The following BRINP3 variants were observed in gnomAD, a reference collection of about 807,000 sequenced individuals.
The protein encoded by BRINP3 is BMP/retinoic acid inducible neural specific 3, also known as BMP/retinoic acid-inducible neural-specific protein 3.
In BRINP3, 19 loss-of-function variants were observed where a neutral mutation model predicts 71.0. That is an observed-to-expected ratio of 0.27 (90% CI 0.19 to 0.39). BRINP3 has a LOEUF of 0.39. BRINP3 is among the 10% of genes least tolerant of loss of function. The pLI, the probability that BRINP3 is intolerant of heterozygous loss-of-function variation, is 1.00. For missense variants in BRINP3, 959 were observed against 940.8 expected (o/e 1.02, Z -0.25); for synonymous variants, 380 against 337.7 (o/e 1.13, Z -1.37).
intron 4 of BRINP3, among the ~76,000 whole-genome samples, chr1:190,250,418 T>A (rs1660026885): frequency 6.6e-6 from 1 of 151,980 alleles, no homozygotes; most frequent in Admixed American, 6.6e-5. Context: ...TATTTGTAAA[T>A]GGCATGTCAT....
intron 2 of BRINP3, among the ~76,000 whole-genome samples, chr1:190,444,789 C>A (rs1571329253): frequency 6.6e-6 from 1 of 152,034 alleles, no homozygotes; most frequent in Non-Finnish European, 1.5e-5. Flanking sequence ...CTGCCTTGGC[C>A]CCCCCAAGGT....
At position 190,408,414 on chromosome 1, in the gene BRINP3, A is replaced by G. The variant is rs1353085529; in HGVS notation, c.236+46241T>C. On this transcript the variant is annotated intron_variant, in intron 2 of 7. Transcript: ENST00000367462. ...TGGATTTAAATTATTTTTTTTCAAA[A>G]CGATTTTCCATGTAATTATGAATAA... Among the ~76,000 whole-genome samples, 4 of 152,012 alleles carry G rather than the reference A, an allele frequency of 2.6e-5. No homozygotes were observed. The South Asian group carries it at 8.3e-4, about 32-fold the overall frequency.
intron 2 of BRINP3, among the ~76,000 whole-genome samples, chr1:190,289,889 ACTCTT>A (rs1386588956): frequency 6.6e-6 from 1 of 151,482 alleles, no homozygotes; most frequent in Non-Finnish European, 1.5e-5. Flanking sequence ...TACTTGTGTC[ACTCTT>A]TGATTCATGT....
chr1:190,190,782 T>G (rs1653968863), intron 6 of BRINP3, among the ~76,000 whole-genome samples: 1 of 152,118 alleles, frequency 6.6e-6, no homozygotes. Context: ...TAACTTTGTG[T>G]TTAATATTAC....
intron 7 of BRINP3, among the ~76,000 whole-genome samples, chr1:190,115,584 A>G (rs970093455): frequency 6.6e-5 from 10 of 152,182 alleles, no homozygotes; most frequent in African/African-American, 2.4e-4. Flanking sequence ...ATGCCTATAC[A>G]TGCCATTAGC....
intron 2 of BRINP3, among the ~76,000 whole-genome samples, chr1:190,432,344 A>G (rs1674155796): frequency 6.6e-6 from 1 of 152,176 alleles, no homozygotes; most frequent in Non-Finnish European, 1.5e-5. Flanking sequence ...AAAATAAGTT[A>G]GTTTAAGGGC....
intron 2 of BRINP3, among the ~76,000 whole-genome samples, chr1:190,294,175 T>A (rs1380993599): frequency 6.6e-6 from 1 of 152,190 alleles, no homozygotes; most frequent in Non-Finnish European, 1.5e-5. Flanking sequence ...AGTTTTACTT[T>A]TAGGGTATTT....
At chr1:190,262,340 A>G (rs1474133544) in intron 4 of BRINP3, among the ~76,000 whole-genome samples, 4 of 152,016 alleles carry the variant, frequency 2.6e-5, no homozygotes, top group Admixed American at 2.6e-4. Flanking sequence ...TGAAAGGTGT[A>G]ATTGCTCTCC....
intron 2 of BRINP3, among the ~76,000 whole-genome samples, chr1:190,309,116 A>G (rs1665334893): frequency 6.6e-6 from 1 of 151,902 alleles, no homozygotes; most frequent in South Asian, 2.1e-4. Context: ...TTCAGCCTCG[A>G]AAGTATGTTT....
intron 6 of BRINP3, among the ~76,000 whole-genome samples, chr1:190,165,470 G>T (rs868059803): frequency 0.11 from 6,144 of 57,530 alleles, 162 homozygotes; most frequent in Non-Finnish European, 0.12. Flanking sequence ...TTGTGTGTGT[G>T]TGTGTGTGTG....
chr1:190,305,556 AAAG>A (rs1665035774), intron 2 of BRINP3, among the ~76,000 whole-genome samples: 1 of 151,704 alleles, frequency 6.6e-6, no homozygotes, highest in Admixed American at 6.6e-5. Context: ...TATTCTCATG[AAAG>A]AAGAATAGTG....
At chr1:190,350,325 T>C (rs1668297863) in intron 2 of BRINP3, among the ~76,000 whole-genome samples, 1 of 152,104 alleles carries the variant, frequency 6.6e-6, no homozygotes, top group Non-Finnish European at 1.5e-5. Flanking sequence ...AGGAGGTAAA[T>C]GCTGATGACT....
chr1:190,173,926 G>A (rs1344246090), intron 6 of BRINP3, among the ~76,000 whole-genome samples: 2 of 152,066 alleles, frequency 1.3e-5, no homozygotes, highest in African/African-American at 4.8e-5. Flanking sequence ...TACACACCAT[G>A]TAGATTCTAG....
chr1:190,151,716 A>T (rs956960910), intron 7 of BRINP3, among the ~76,000 whole-genome samples: 2 of 152,178 alleles, frequency 1.3e-5, no homozygotes, highest in Non-Finnish European at 2.9e-5. Flanking sequence ...TTGAGAAGGT[A>T]ATGAAGTAAT....
At chr1:190,386,213 T>C (rs1670890220) in intron 2 of BRINP3, among the ~76,000 whole-genome samples, 1 of 145,926 alleles carries the variant, frequency 6.9e-6, no homozygotes, top group African/African-American at 2.5e-5. Context: ...ACATGTACCC[T>C]AAAACTTAAA....
rs1668303993 is a variant in BRINP3, at chr1:190,350,430, A to G, written c.237-68680T>C. 2.0e-5 allele frequency among the ~76,000 whole-genome samples: 3 copies of G among 152,218 alleles called. No homozygotes were observed. The South Asian group carries it at 6.2e-4, about 32-fold the overall frequency. On this transcript the variant is annotated intron_variant, in intron 2 of 7. Transcript: ENST00000367462. ...TCATTTTGATGCTTGGAATAATATT[A>G]TTCCAGCCAGAGCTCCAGTTACACA...
intron 7 of BRINP3, among the ~76,000 whole-genome samples, chr1:190,129,429 G>T (rs1449921754): frequency 1.3e-5 from 2 of 151,794 alleles, no homozygotes; most frequent in Non-Finnish European, 2.9e-5. Flanking sequence ...TATAATTTCA[G>T]TTTGTAGTGT....
intron 6 of BRINP3, among the ~76,000 whole-genome samples, chr1:190,165,079 A>G (rs1275533412): frequency 6.6e-6 from 1 of 152,146 alleles, no homozygotes; most frequent in Non-Finnish European, 1.5e-5. Flanking sequence ...AGAAAAATAC[A>G]TAATATCTAA....
chr1:190,174,549 T>C (rs1229998911), intron 6 of BRINP3, among the ~76,000 whole-genome samples: 1 of 152,144 alleles, frequency 6.6e-6, no homozygotes, highest in African/African-American at 2.4e-5. Flanking sequence ...GAAGTTTACA[T>C]ATTTTGTTTA....
Sources: gnomAD v4.1 joint callset for allele counts (sites outside exome capture counted in the v4.1 genomes callset) on GRCh38, gnomAD v4.1.1 for gene constraint, MANE v1.5 for transcripts, NCBI Gene and HGNC (gene_info 2026-07-23, HGNC 2026-07-21) for gene names.